The following FOXP1 variants were observed in gnomAD, a reference collection of about 807,000 sequenced individuals.
FOXP1 encodes the protein forkhead box protein P1.
Under a neutral mutation model 98.2 loss-of-function variants are expected in FOXP1, and 15 were observed. The ratio of observed to expected loss-of-function variants is 0.15; its 90% confidence interval spans 0.10 to 0.24. The LOEUF (loss-of-function observed/expected upper bound fraction) is 0.24. FOXP1 is among the 10% of genes least tolerant of loss of function. FOXP1 has a pLI of 1.00. For synonymous variants in FOXP1, 371 were observed against 314.5 expected (o/e 1.18, Z -1.90); for missense variants, 633 against 848.5 (o/e 0.75, Z 3.15).
Position 71,198,297 on chromosome 3 carries a change from A to G in FOXP1, c.85T>C (p.Cys29Arg). ...GSGGSNHLLE[C>R]GGLREGRSNG... ...GACCGCCCCTCCCGAAGACCGCCGC[A>G]CTCTAGTAAGTGGTTGCTGCCGCCC... is the stretch of plus-strand genomic sequence containing the variant. The change falls in exon 6 of 21, where the codon TGC becomes CGC. Residue 29 changes from cysteine to arginine, a missense_variant. Physicochemically the swap from Cys to Arg is radical, Grantham distance 180 (BLOSUM62 -3). This residue lies in a region of FOXP1 where 103 missense variants were observed against 85.5 expected (regional missense o/e 1.20). Coordinates refer to ENST00000649528, the MANE Select transcript of FOXP1 (RefSeq NM_001349338.3). 1 of 1,613,770 alleles carries G rather than the reference A, an allele frequency of 6.2e-7. No homozygotes were observed. Among genetic ancestry groups the G allele is most frequent in the East Asian group, 2.2e-5 (1 of 44,848 alleles).
At chr3:70,974,142 C>T (rs2036984788) in intron 17 of FOXP1, among the ~76,000 whole-genome samples, 4 of 152,044 alleles carry the variant, frequency 2.6e-5, no homozygotes, top group Middle Eastern at 3.4e-3. Context: ...GTTCAAGATA[C>T]CCAGGTGACT....
At chr3:71,528,546 G>T (rs995869315) in intron 2 of FOXP1, among the ~76,000 whole-genome samples, 1 of 152,152 alleles carries the variant, frequency 6.6e-6, no homozygotes, top group African/African-American at 2.4e-5. Context: ...GACTGCTGGC[G>T]TTCCACTCCT....
intron 12 of FOXP1, among the ~76,000 whole-genome samples, chr3:71,013,550 G>T (rs556541493): frequency 6.6e-6 from 1 of 152,240 alleles, no homozygotes; most frequent in Non-Finnish European, 1.5e-5. Flanking sequence ...GGAAGAATCA[G>T]TATCGTGAAA....
intron 5 of FOXP1, among the ~76,000 whole-genome samples, chr3:71,255,495 T>C (rs2068546933): frequency 6.6e-6 from 1 of 152,210 alleles, no homozygotes; most frequent in Admixed American, 6.5e-5. Flanking sequence ...AGTTCTCCCA[T>C]CTTAACAATC....
At chr3:71,035,041 G>C (rs2047397433) in intron 11 of FOXP1, among the ~76,000 whole-genome samples, 1 of 152,192 alleles carries the variant, frequency 6.6e-6, no homozygotes, top group South Asian at 2.1e-4. Context: ...TAAACACACA[G>C]CTTCCATTGC....
intron 4 of FOXP1, among the ~76,000 whole-genome samples, chr3:71,304,402 T>C (rs2074101808): frequency 6.6e-6 from 1 of 152,244 alleles, no homozygotes; most frequent in Non-Finnish European, 1.5e-5. Context: ...ACAAAGCCTT[T>C]GTTTTAGATT....
intron 2 of FOXP1, among the ~76,000 whole-genome samples, chr3:71,508,086 G>A (rs2041952393): frequency 6.6e-6 from 1 of 152,180 alleles, no homozygotes; most frequent in South Asian, 2.1e-4. Flanking sequence ...TTATTCCAAA[G>A]CTCTTGCTCT....
chr3:71,581,602 C>T lies in FOXP1; in HGVS notation c.-351G>A, dbSNP rs1205123441. 2 of 985,558 alleles carry T rather than the reference C, an allele frequency of 2.0e-6. No individual in the cohort carries two copies. The highest frequency in any genetic ancestry group is 2.4e-6 in the Non-Finnish European group (2 of 830,052). 61.1% of individuals were successfully genotyped at this position (985,558 alleles called of 1,614,324 possible). The stretch of plus-strand genomic sequence containing the variant: ...GCCGCCTTCACGCCCGCGGAGGAGG[C>T]GCCGGCAGCACCATGGTCCCCGGCG... On this transcript the variant is annotated 5_prime_UTR_variant, in exon 2 of 21. Coordinates refer to ENST00000649528, the MANE Select transcript of FOXP1 (RefSeq NM_001349338.3).
In FOXP1 at chr3:71,035,945, C is replaced by A. The variant is rs192192303; in HGVS notation, c.869+5383G>T. Among the ~76,000 whole-genome samples the A allele has an allele frequency of 3.1e-4, 47 of 152,140 alleles. 1 individual carries two copies. The highest frequency in any genetic ancestry group is 1.0e-3 in the African/African-American group (43 of 41,488). ...AATTTTAGCAAGTAAACCAAGAGCACTGACATTTATTCACAAACACAGAAT... is the reference window on the plus strand; with the variant it reads ...AATTTTAGCAAGTAAACCAAGAGCAATGACATTTATTCACAAACACAGAAT... On this transcript the variant is annotated intron_variant, in intron 11 of 20. Coordinates refer to ENST00000649528, the MANE Select transcript of FOXP1 (RefSeq NM_001349338.3).
chr3:70,980,188 G>T (rs941609397), intron 14 of FOXP1, among the ~76,000 whole-genome samples: 1 of 152,134 alleles, frequency 6.6e-6, no homozygotes, highest in Admixed American at 6.5e-5. Context: ...AGAAGCCAAG[G>T]GGGGAAGAGT....
chr3:71,458,900 G>C (rs572486486), intron 3 of FOXP1, among the ~76,000 whole-genome samples: 1 of 152,248 alleles, frequency 6.6e-6, no homozygotes, highest in Non-Finnish European at 1.5e-5. Context: ...AAAGAACCTT[G>C]TCCATTCCAA....
chr3:71,227,566 A>G (rs1387962543), intron 5 of FOXP1, among the ~76,000 whole-genome samples: 3 of 152,308 alleles, frequency 2.0e-5, no homozygotes, highest in Non-Finnish European at 4.4e-5. Flanking sequence ...TTAAGGAGTT[A>G]TAAATCTTAC....
At chr3:71,361,649 C>T (rs1026629377) in intron 3 of FOXP1, among the ~76,000 whole-genome samples, 2 of 152,126 alleles carry the variant, frequency 1.3e-5, no homozygotes, top group African/African-American at 4.8e-5. Context: ...ACATTGATGG[C>T]GGGGCACACT....
chr3:71,130,912 ACGCAGTGCGCC>A (rs2059535032), intron 6 of FOXP1: 1 of 1,352,016 alleles, frequency 7.4e-7, no homozygotes, highest in African/African-American at 1.5e-5. Flanking sequence ...GACACAGCAC[ACGCAGTGCGCC>A]CTGGCTAGAC....
At chr3:71,562,134 G>A (rs2046588459) in intron 2 of FOXP1, among the ~76,000 whole-genome samples, 2 of 152,100 alleles carry the variant, frequency 1.3e-5, no homozygotes, top group Non-Finnish European at 2.9e-5. Context: ...AGAAATGGAG[G>A]GATATGAAAG....
At chr3:71,299,054 T>A (rs890832853) in intron 5 of FOXP1, among the ~76,000 whole-genome samples, 1 of 152,164 alleles carries the variant, frequency 6.6e-6, no homozygotes, top group Non-Finnish European at 1.5e-5. Context: ...ACCGGCAGGA[T>A]CATCTTCTGT....
Position 71,422,448 on chromosome 3 carries a change from C to T in FOXP1, c.-167-63204G>A, listed in dbSNP as rs75236066. Among the ~76,000 whole-genome samples the T allele has an allele frequency of 5.8e-3, 883 of 152,250 alleles. 9 individuals are homozygous for T. The highest frequency in any genetic ancestry group is 0.021 in the African/African-American group (859 of 41,558). On this transcript the variant is annotated intron_variant, in intron 3 of 20. Coordinates refer to ENST00000649528, the MANE Select transcript of FOXP1 (RefSeq NM_001349338.3). ...TTTCTAATAAGAACTCAGGTGATGCCGCGGCTGCTCGTTTGAGGACCACAC... is the reference window on the plus strand; with the variant it reads ...TTTCTAATAAGAACTCAGGTGATGCTGCGGCTGCTCGTTTGAGGACCACAC...
At chr3:71,464,464 A>AG (rs1185077575) in intron 3 of FOXP1, among the ~76,000 whole-genome samples, 1 of 152,150 alleles carries the variant, frequency 6.6e-6, no homozygotes, top group Non-Finnish European at 1.5e-5. Context: ...CTCTCCTGAG[A>AG]GGGGGAAGGT....
At chr3:71,486,027 A>G (rs755948516) in intron 3 of FOXP1, among the ~76,000 whole-genome samples, 1 of 152,224 alleles carries the variant, frequency 6.6e-6, no homozygotes, top group Non-Finnish European at 1.5e-5. Flanking sequence ...TGCCTAAATC[A>G]AAAAGACCTT....
Sources: gnomAD v4.1 joint callset for allele counts (sites outside exome capture counted in the v4.1 genomes callset) on GRCh38, gnomAD v4.1.1 for gene constraint, gnomAD v4.1.1 regional missense constraint, MANE v1.5 for transcripts, NCBI Gene and HGNC (gene_info 2026-07-23, HGNC 2026-07-21) for gene names.